TLN2: variants seen among roughly 807,000 people sequenced by gnomAD.
The protein encoded by TLN2 is talin 2.
Under a neutral mutation model 294.7 loss-of-function variants are expected in TLN2, and 118 were observed. That is an observed-to-expected ratio of 0.40 (90% CI 0.34 to 0.47). The LOEUF (loss-of-function observed/expected upper bound fraction) is 0.47. TLN2 is among the 20% of genes least tolerant of loss of function. The pLI is 0.84. For missense variants in TLN2, 3,083 were observed against 3,282.2 expected (o/e 0.94, Z 1.48); for synonymous variants, 1,431 against 1,304.5 (o/e 1.10, Z -2.09).
At position 62,717,694 on chromosome 15, in the gene TLN2, G is replaced by A. The variant is rs778722394; in HGVS notation, c.2877+5G>A. On this transcript the variant is annotated splice_donor_5th_base_variant and intron_variant, in intron 24 of 58. Transcript: ENST00000636159. Reference sequence around the variant, plus strand: ...CAGCTGGTCCAGAGTTGCAAGGTGAGGTTCCAGTGCACAGAGAGCCAGGTC... The same window carrying A: ...CAGCTGGTCCAGAGTTGCAAGGTGAAGTTCCAGTGCACAGAGAGCCAGGTC... The A allele has an allele frequency of 3.4e-5, 53 of 1,565,504 alleles. No individual in the cohort carries two copies. The highest frequency in any genetic ancestry group is 4.2e-5 in the Non-Finnish European group (49 of 1,159,210).
intron 42 of TLN2, among the ~76,000 whole-genome samples, chr15:62,775,469 A>G (rs1430653215): frequency 6.6e-6 from 1 of 152,208 alleles, no homozygotes; most frequent in Admixed American, 6.5e-5. Context: ...CATCCCAAAG[A>G]GAGTTCTGTG....
At chr15:62,491,924 A>G (rs996535389) in intron 1 of TLN2, among the ~76,000 whole-genome samples, 4 of 152,180 alleles carry the variant, frequency 2.6e-5, no homozygotes, top group African/African-American at 9.6e-5. Context: ...CACCAAGGGA[A>G]AAAAAGACAA....
chr15:62,486,575 C>A (rs1219876284), intron 1 of TLN2, among the ~76,000 whole-genome samples: 1 of 146,022 alleles, frequency 6.8e-6, no homozygotes, highest in East Asian at 2.0e-4. Context: ...TTCCACAATT[C>A]ATCTATTTTT....
chr15:62,536,606 C>T (rs550370856), intron 1 of TLN2, among the ~76,000 whole-genome samples: 170 of 152,204 alleles, frequency 1.1e-3, no homozygotes, highest in Middle Eastern at 0.01. Context: ...GTCTGAACAG[C>T]GCTGTAATAG....
At chr15:62,575,997 A>G (rs988257316) in intron 1 of TLN2, among the ~76,000 whole-genome samples, 2 of 152,140 alleles carry the variant, frequency 1.3e-5, no homozygotes, top group African/African-American at 4.8e-5. Context: ...GGAATTGGGA[A>G]CTGCTTTTTA....
At chr15:62,802,662 A>G (rs894289926) in intron 50 of TLN2, among the ~76,000 whole-genome samples, 6 of 152,202 alleles carry the variant, frequency 3.9e-5, no homozygotes, top group Admixed American at 6.5e-5. Flanking sequence ...ACTCTTCTCC[A>G]TAGTGTTTGT....
chr15:62,543,730 G>A (rs1462252988), intron 1 of TLN2, among the ~76,000 whole-genome samples: 1 of 149,694 alleles, frequency 6.7e-6, no homozygotes, highest in Non-Finnish European at 1.5e-5. Context: ...ACTCCAGCCT[G>A]GTGACAGAGC....
chr15:62,804,283 G>A (rs4774451), intron 50 of TLN2, among the ~76,000 whole-genome samples: 16,714 of 152,114 alleles, frequency 0.11, 1,145 homozygotes, highest in East Asian at 0.18. Flanking sequence ...GGGTTATTCT[G>A]AGTATACCAG....
chr15:62,469,567 G>A (rs1460926373), intron 1 of TLN2, among the ~76,000 whole-genome samples: 1 of 152,188 alleles, frequency 6.6e-6, no homozygotes, highest in Non-Finnish European at 1.5e-5. Flanking sequence ...CTGAATGGAT[G>A]GAGCAATGTG....
At chr15:62,391,434 A>C (rs1193959447) in intron 1 of TLN2, among the ~76,000 whole-genome samples, 1 of 152,176 alleles carries the variant, frequency 6.6e-6, no homozygotes, top group Non-Finnish European at 1.5e-5. Context: ...CGGTCCCACG[A>C]GCTGAAATTT....
chr15:62,633,328 G>A (rs1364062901), intron 3 of TLN2, among the ~76,000 whole-genome samples: 1 of 152,168 alleles, frequency 6.6e-6, no homozygotes, highest in Non-Finnish European at 1.5e-5. Flanking sequence ...ATGGTGTCTT[G>A]CTCTGTTACT....
intron 12 of TLN2, among the ~76,000 whole-genome samples, chr15:62,690,743 G>C (rs1379287599): frequency 2.0e-5 from 3 of 150,504 alleles, no homozygotes; most frequent in African/African-American, 5.0e-5. Context: ...GAGTGAACCA[G>C]ACTCCGTCTG....
rs912189165 is a variant in TLN2 at position 62,569,658 on chromosome 15, G to A, written c.-237-20029G>A. On this transcript the variant is annotated intron_variant, in intron 1 of 58. Transcript: ENST00000636159. ...GCCGGTGAACTCAGTGGCAGTAATT[G>A]TAGCTGTGGTTGGATTTTTGTGGTA... Among the ~76,000 whole-genome samples, 9 of 152,224 alleles carry A rather than the reference G, an allele frequency of 5.9e-5. No homozygotes were observed. The East Asian group carries it at 1.7e-3, about 29-fold the overall frequency.
At chr15:62,596,565 C>T (rs2046536181) in intron 2 of TLN2, among the ~76,000 whole-genome samples, 1 of 151,924 alleles carries the variant, frequency 6.6e-6, no homozygotes, top group African/African-American at 2.4e-5. Flanking sequence ...TGGCAAAACC[C>T]CGTCTCTACT....
At chr15:62,749,901 A>G (rs1212488667) in intron 33 of TLN2, among the ~76,000 whole-genome samples, 1 of 152,260 alleles carries the variant, frequency 6.6e-6, no homozygotes, top group East Asian at 1.9e-4. Flanking sequence ...TTAAAAACAA[A>G]TGAACCATCA....
chr15:62,649,594 C>T (rs2052349373), intron 4 of TLN2, among the ~76,000 whole-genome samples: 1 of 152,082 alleles, frequency 6.6e-6, no homozygotes, highest in Non-Finnish European at 1.5e-5. Flanking sequence ...CAAGGAACTC[C>T]TACCTCTCTT....
At position 62,655,972 on chromosome 15, in the gene TLN2, C is replaced by G. The variant is rs1339586455; in HGVS notation, c.546C>G (p.Phe182Leu). 1 of 1,614,054 alleles carries G rather than the reference C, an allele frequency of 6.2e-7. No individual in the cohort carries two copies. The highest frequency in any genetic ancestry group is 8.5e-7 in the Non-Finnish European group (1 of 1,180,032). ...DLNWLDHSRT[F>L]REQGVDENET... ...ATTGGCTGGATCACAGCCGAACATT[C>G]AGAGAACAAGGAGTAGATGAAAACG... Residue 182 changes from phenylalanine (F) to leucine (L), a missense_variant, in exon 8 of 59, where the codon TTC becomes TTG. Physicochemically the swap from Phe to Leu is conservative, Grantham distance 22. Transcript: ENST00000636159.
At chr15:62,401,393 G>A (rs1462902195) in intron 1 of TLN2, among the ~76,000 whole-genome samples, 1 of 152,142 alleles carries the variant, frequency 6.6e-6, no homozygotes, top group Non-Finnish European at 1.5e-5. Context: ...GATTTCCTAG[G>A]TCAGCTCTAA....
In TLN2 at chr15:62,441,635, C is replaced by T. The variant is rs570714721; in HGVS notation, c.-238+50950C>T. On this transcript the variant is annotated intron_variant, in intron 1 of 58. Transcript: ENST00000636159. Reference sequence around the variant, plus strand: ...GTCCTCTAATTTAACTCAATTTTTACACCATCTACCTGGAGATATAGGGTC... The same window carrying T: ...GTCCTCTAATTTAACTCAATTTTTATACCATCTACCTGGAGATATAGGGTC... Among the ~76,000 whole-genome samples, 3 of 152,300 alleles carry T rather than the reference C, an allele frequency of 2.0e-5. No individual in the cohort carries two copies. The South Asian group carries it at 6.2e-4, about 32-fold the overall frequency.
Sources: allele counts gnomAD v4.1 joint callset (sites outside exome capture counted in the v4.1 genomes callset), GRCh38; gene constraint gnomAD v4.1.1; transcripts MANE v1.5; gene names NCBI Gene and HGNC (gene_info 2026-07-23, HGNC 2026-07-21).